CDK14: variants seen among roughly 807,000 people sequenced by gnomAD.
The protein encoded by CDK14 is cyclin-dependent kinase 14.
In CDK14, 34 loss-of-function variants were observed where a neutral mutation model predicts 60.7. The observed-to-expected ratio is 0.56, with a 90% CI of 0.43 to 0.75. CDK14 has a LOEUF of 0.75. Ranked by LOEUF, CDK14 falls within the 30% of genes least tolerant of loss-of-function variation. The pLI is 0.00. For missense variants in CDK14, 482 were observed against 564.1 expected (o/e 0.85, Z 1.47); for synonymous variants, 197 against 203.7 (o/e 0.97, Z 0.28).
At chr7:91,063,849 T>A (rs1797885476) in intron 11 of CDK14, among the ~76,000 whole-genome samples, 5 of 152,204 alleles carry the variant, frequency 3.3e-5, no homozygotes, top group Non-Finnish European at 7.3e-5. Flanking sequence ...TTTTCAAGTA[T>A]ATTATTATTA....
chr7:91,102,647 C>T (rs936488119), intron 12 of CDK14, among the ~76,000 whole-genome samples: 4 of 149,612 alleles, frequency 2.7e-5, no homozygotes, highest in African/African-American at 9.8e-5. Context: ...TCAAAACAAA[C>T]ATCCATGCAG....
At chr7:91,059,486 A>G (rs1303695495) in intron 11 of CDK14, among the ~76,000 whole-genome samples, 2 of 151,832 alleles carry the variant, frequency 1.3e-5, no homozygotes, top group African/African-American at 2.4e-5. Flanking sequence ...AGTTCTTTTA[A>G]TTGTGATGTT....
chr7:90,744,465 C>T (rs575720897), intron 3 of CDK14, among the ~76,000 whole-genome samples: 123 of 152,358 alleles, frequency 8.1e-4, no homozygotes, highest in African/African-American at 2.8e-3. Context: ...CCACTTTTCC[C>T]GCCTTTCTAT....
intron 12 of CDK14, among the ~76,000 whole-genome samples, chr7:91,096,668 T>C (rs181354870): frequency 1.3e-5 from 2 of 152,200 alleles, no homozygotes; most frequent in Non-Finnish European, 2.9e-5. Context: ...AAATTTGAAG[T>C]CTTGTTTTCT....
chr7:91,031,421 A>G (rs764369927), intron 10 of CDK14, among the ~76,000 whole-genome samples: 2 of 152,218 alleles, frequency 1.3e-5, no homozygotes, highest in Non-Finnish European at 2.9e-5. Context: ...AGTGAAAAAA[A>G]AATCCCAAAA....
At chr7:91,123,580 G>A (rs1799848349) in intron 14 of CDK14, among the ~76,000 whole-genome samples, 1 of 152,090 alleles carries the variant, frequency 6.6e-6, no homozygotes, top group Non-Finnish European at 1.5e-5. Context: ...AGGCCGGAAT[G>A]CTATTAGTTT....
At chr7:91,134,123 G>A (rs964772713) in intron 14 of CDK14, among the ~76,000 whole-genome samples, 11 of 151,950 alleles carry the variant, frequency 7.2e-5, no homozygotes, top group Non-Finnish European at 1.5e-4. Context: ...GGCTTTTTGT[G>A]GGGGGAGGGC....
chr7:91,051,946 C>A lies in CDK14; in HGVS notation c.1105+5986C>A, dbSNP rs1482353712. ...TATCATTTTTAAAAGATGCATCTTG[C>A]ATGCATGTTTGAGGGGTTGTTTAAG... On this transcript the variant is annotated intron_variant, in intron 11 of 14. Transcript: ENST00000380050. 2.0e-5 allele frequency among the ~76,000 whole-genome samples: 3 copies of A among 152,134 alleles called. No individual in the cohort carries two copies. The East Asian group carries it at 5.8e-4, about 29-fold the overall frequency.
chr7:90,602,308 A>G (rs1355740536), intron 1 of CDK14, among the ~76,000 whole-genome samples: 1 of 152,204 alleles, frequency 6.6e-6, no homozygotes, highest in Admixed American at 6.5e-5. Context: ...TAAATGAGCT[A>G]GGTATGAGGC....
At chr7:91,104,394 A>G (rs1413941243) in intron 12 of CDK14, among the ~76,000 whole-genome samples, 1 of 152,160 alleles carries the variant, frequency 6.6e-6, no homozygotes, top group Non-Finnish European at 1.5e-5. Context: ...AATTTCAGCC[A>G]CTCACAGGAG....
intron 11 of CDK14, among the ~76,000 whole-genome samples, chr7:91,078,022 C>T (rs1402268145): frequency 1.3e-5 from 2 of 152,104 alleles, no homozygotes; most frequent in Non-Finnish European, 2.9e-5. Flanking sequence ...TGCTAGAAGA[C>T]GTATGGAGAA....
At chr7:90,830,226 C>T (rs1372392774) in intron 5 of CDK14, among the ~76,000 whole-genome samples, 1 of 152,200 alleles carries the variant, frequency 6.6e-6, no homozygotes, top group Non-Finnish European at 1.5e-5. Context: ...TCCATACATC[C>T]TCTGAAATCT....
rs1803875244 is a variant in CDK14, at chr7:90,752,252, C to T, written c.464+4477C>T. 2.0e-5 allele frequency among the ~76,000 whole-genome samples: 3 copies of T among 151,664 alleles called. No individual in the cohort carries two copies. In the South Asian group the frequency reaches 6.3e-4, roughly 32 times the overall value. On this transcript the variant is annotated intron_variant, in intron 4 of 14. Transcript: ENST00000380050. The stretch of plus-strand genomic sequence containing the variant: ...TCTCATTTGCATTTAGGACAGATGA[C>T]CACATGCTCAGTCATAAAGCAAGTC...
At chr7:91,070,453 A>G (rs1204655772) in intron 11 of CDK14, among the ~76,000 whole-genome samples, 1 of 152,226 alleles carries the variant, frequency 6.6e-6, no homozygotes, top group East Asian at 1.9e-4. Flanking sequence ...CTATGTGTGG[A>G]ATTAATGAAA....
At chr7:91,058,800 G>T (rs1243028003) in intron 11 of CDK14, among the ~76,000 whole-genome samples, 1 of 152,202 alleles carries the variant, frequency 6.6e-6, no homozygotes, top group Non-Finnish European at 1.5e-5. Flanking sequence ...GCTGGATTCA[G>T]TTTGCCAGTA....
chr7:90,740,264 T>TAGAG (rs757602151), intron 3 of CDK14, among the ~76,000 whole-genome samples: 5 of 114,918 alleles, frequency 4.4e-5, no homozygotes, highest in East Asian at 5.5e-4. Context: ...TATATATATA[T>TAGAG]ATATATAGAG....
At chr7:90,818,849 C>T (rs1789442484) in intron 5 of CDK14, among the ~76,000 whole-genome samples, 1 of 149,594 alleles carries the variant, frequency 6.7e-6, no homozygotes, top group African/African-American at 2.5e-5. Context: ...AGCAAATGAC[C>T]AATATTTTCT....
chr7:91,157,864 C>T (rs1343217860), intron 14 of CDK14, among the ~76,000 whole-genome samples: 3 of 152,050 alleles, frequency 2.0e-5, no homozygotes, highest in African/African-American at 7.2e-5. Flanking sequence ...GCTGCTGCCC[C>T]TGTCATCCAG....
At chr7:90,813,515 A>C (rs1789222333) in intron 5 of CDK14, among the ~76,000 whole-genome samples, 1 of 152,186 alleles carries the variant, frequency 6.6e-6, no homozygotes, top group Non-Finnish European at 1.5e-5. Flanking sequence ...TGGGAGGCTG[A>C]AGTGGGTGGA....
Sources: gnomAD v4.1 joint callset for allele counts (sites outside exome capture counted in the v4.1 genomes callset) on GRCh38, gnomAD v4.1.1 for gene constraint, MANE v1.5 for transcripts, NCBI Gene and HGNC (gene_info 2026-07-23, HGNC 2026-07-21) for gene names.